DRC11: variants seen among roughly 807,000 people sequenced by gnomAD.
DRC11 encodes the protein dynein regulatory complex subunit 11.
chr2:236,372,574 C>A, the DRC11 span, among the ~76,000 whole-genome samples: 1 of 151,838 alleles, frequency 6.6e-6, no homozygotes, highest in Non-Finnish European at 1.5e-5. This position sits in a 1 kb window ranked among gnomAD's most constrained non-coding sequence, Gnocchi z 4.5. Flanking sequence ...CAGGAAAAGG[C>A]CTAAAAGAAA....
chr2:236,409,056 T>C, the DRC11 span: 1 of 579,470 alleles, frequency 1.7e-6, no homozygotes, highest in Non-Finnish European at 3.1e-6. Context: ...TGTCTGGGAG[T>C]GGAGGACTTC....
At chr2:236,331,323 T>C in the DRC11 span, 1 of 1,421,764 alleles carries the variant, frequency 7.0e-7, no homozygotes, top group Admixed American at 1.7e-5. The surrounding 1 kb of genome is among the most constrained non-coding windows in gnomAD (Gnocchi z 4.8). Flanking sequence ...GAGGAGTGTC[T>C]GCTGCTAAGA....
chr2:236,492,988 C>T, the DRC11 span, among the ~76,000 whole-genome samples: 1 of 152,214 alleles, frequency 6.6e-6, no homozygotes, highest in African/African-American at 2.4e-5. Context: ...AAGTGTCACT[C>T]AATGTATTAG....
At chr2:236,493,845 T>C in the DRC11 span, 1 of 1,606,682 alleles carries the variant, frequency 6.2e-7, no homozygotes, top group Non-Finnish European at 8.5e-7. Flanking sequence ...ACTTCCAACT[T>C]CTCCTTCAAA....
chr2:236,320,521 A>G, the DRC11 span, among the ~76,000 whole-genome samples: 1 of 152,168 alleles, frequency 6.6e-6, no homozygotes, highest in Admixed American at 6.5e-5. Flanking sequence ...GCTGTCTCTG[A>G]ACGCAGGTGT....
At chr2:236,347,736 A>G in the DRC11 span, among the ~76,000 whole-genome samples, 1 of 151,852 alleles carries the variant, frequency 6.6e-6, no homozygotes, top group Non-Finnish European at 1.5e-5. Flanking sequence ...GGGATGAAAG[A>G]CTACAAAAAG....
At chr2:236,496,476 G>A in the DRC11 span, among the ~76,000 whole-genome samples, 758 of 152,310 alleles carry the variant, frequency 5.0e-3, 10 homozygotes, top group African/African-American at 0.017. This position sits in a 1 kb window ranked among gnomAD's most constrained non-coding sequence, Gnocchi z 6.3. Flanking sequence ...CAGTGGCCCC[G>A]GCAGCCCAGC....
the DRC11 span, among the ~76,000 whole-genome samples, chr2:236,478,562 T>G: frequency 1.3e-5 from 2 of 152,196 alleles, no homozygotes; most frequent in Non-Finnish European, 2.9e-5. The surrounding 1 kb of genome is among the most constrained non-coding windows in gnomAD (Gnocchi z 5.9). Flanking sequence ...TGGTCTAGTG[T>G]GTAGCTTAAT....
chr2:236,497,387 T>C, the DRC11 span: 5 of 1,613,806 alleles, frequency 3.1e-6, no homozygotes, highest in Non-Finnish European at 3.4e-6. This position sits in a 1 kb window ranked among gnomAD's most constrained non-coding sequence, Gnocchi z 5.1. Context: ...GTTTGAAAGA[T>C]GAAAACCTGA....
At chr2:236,351,649 G>A in the DRC11 span, among the ~76,000 whole-genome samples, 1 of 151,668 alleles carries the variant, frequency 6.6e-6, no homozygotes, top group African/African-American at 2.4e-5. The surrounding 1 kb of genome is among the most constrained non-coding windows in gnomAD (Gnocchi z 7.3). Flanking sequence ...TGTGGTGGGA[G>A]CTGTGCTGGC....
chr2:236,416,301 C>T, the DRC11 span, among the ~76,000 whole-genome samples: 1 of 152,150 alleles, frequency 6.6e-6, no homozygotes, highest in African/African-American at 2.4e-5. Flanking sequence ...TCCTTGGATG[C>T]AGCTGCCCCA....
the DRC11 span, among the ~76,000 whole-genome samples, chr2:236,339,963 T>C: frequency 6.6e-6 from 1 of 152,252 alleles, no homozygotes; most frequent in African/African-American, 2.4e-5. Context: ...GGGAATTGCA[T>C]TGAATATGTA....
chr2:236,392,405 G>A, the DRC11 span: 1 of 966,522 alleles, frequency 1.0e-6, no homozygotes, highest in Non-Finnish European at 1.5e-6. This position sits in a 1 kb window ranked among gnomAD's most constrained non-coding sequence, Gnocchi z 5.1. Flanking sequence ...AAAAGATATA[G>A]GTTAATGAAA....
the DRC11 span, among the ~76,000 whole-genome samples, chr2:236,406,903 G>A: frequency 4.4e-4 from 67 of 151,976 alleles, no homozygotes; most frequent in Admixed American, 9.8e-4. This position sits in a 1 kb window ranked among gnomAD's most constrained non-coding sequence, Gnocchi z 4.7. Context: ...CCACCACCAC[G>A]CCTGGCTAAT....
the DRC11 span, chr2:236,408,731 G>A: frequency 6.6e-3 from 4,637 of 697,616 alleles, 126 homozygotes; most frequent in African/African-American, 0.066. This position sits in a 1 kb window ranked among gnomAD's most constrained non-coding sequence, Gnocchi z 5.5. Context: ...AGTGCTTTTT[G>A]CACTCATCGC....
At chr2:236,324,449 T>G in the DRC11 span, 2 of 399,664 alleles carry the variant, frequency 5.0e-6, no homozygotes, top group African/African-American at 2.0e-5. The surrounding 1 kb of genome is among the most constrained non-coding windows in gnomAD (Gnocchi z 5.7). Context: ...TGGAAAGTTA[T>G]GATGAACACC....
At chr2:236,331,710 A>C in the DRC11 span, 1 of 739,008 alleles carries the variant, frequency 1.4e-6, no homozygotes, top group Non-Finnish European at 2.2e-6. The surrounding 1 kb of genome is among the most constrained non-coding windows in gnomAD (Gnocchi z 4.8). Context: ...ACAGAAGTCT[A>C]CTCTAGCTTA....
the DRC11 span, among the ~76,000 whole-genome samples, chr2:236,501,988 G>T: frequency 6.6e-6 from 1 of 152,118 alleles, no homozygotes. Flanking sequence ...CAAAACCCCA[G>T]CTTGTTTCAT....
chr2:236,495,008 C>T, the DRC11 span, among the ~76,000 whole-genome samples: 1 of 152,182 alleles, frequency 6.6e-6, no homozygotes, highest in African/African-American at 2.4e-5. The surrounding 1 kb of genome is among the most constrained non-coding windows in gnomAD (Gnocchi z 5.6). Flanking sequence ...GACAAAACCT[C>T]ATTGTCTTAT....
Sources: gnomAD v4.1 joint callset for allele counts (sites outside exome capture counted in the v4.1 genomes callset) on GRCh38, gnomAD v4.1.1 for gene constraint, Gnocchi (gnomAD v3.1) non-coding constraint, MANE v1.5 for transcripts, NCBI Gene and HGNC (gene_info 2026-07-23, HGNC 2026-07-21) for gene names.